Variants in PARG observed in about 807,000 individuals in gnomAD.
PARG encodes the protein mitochondrial poly(ADP-ribose) glycohydrolase.
In PARG, 35 loss-of-function variants were observed where a neutral mutation model predicts 113.0. The observed-to-expected ratio is 0.31, with a 90% CI of 0.24 to 0.41. The LOEUF (loss-of-function observed/expected upper bound fraction) is 0.41, where lower values mean the gene tolerates loss of function less well. PARG is among the 10% of genes least tolerant of loss of function. The pLI is 1.00. For missense variants in PARG, 797 were observed against 1,169.4 expected, an observed-to-expected ratio of 0.68 and a Z score of 4.64; for synonymous variants, 330 against 409.9, an observed-to-expected ratio of 0.81 and a Z score of 2.36.
At chr10:49,861,158 A>C (rs1278841730) in intron 12 of PARG, among the ~76,000 whole-genome samples, 1 of 152,184 alleles carries the variant, frequency 6.6e-6, no homozygotes, top group Non-Finnish European at 1.5e-5. Context: ...AACCTAAACA[A>C]AGCTGTTGGT....
chr10:49,836,573 G>A (rs782682094), intron 15 of PARG, among the ~76,000 whole-genome samples: 5 of 151,942 alleles, frequency 3.3e-5, no homozygotes, highest in Non-Finnish European at 5.9e-5. Flanking sequence ...GTATTTAATT[G>A]TTATTCTGAT....
At chr10:49,874,725 G>A (rs1293511920) in intron 9 of PARG, among the ~76,000 whole-genome samples, 2 of 150,002 alleles carry the variant, frequency 1.3e-5, no homozygotes, top group Non-Finnish European at 3.0e-5. Context: ...GTGGTGGTGG[G>A]TGCCTGTAGT....
At chr10:49,829,922 T>C (rs1554830030) in intron 16 of PARG, among the ~76,000 whole-genome samples, 1 of 149,594 alleles carries the variant, frequency 6.7e-6, no homozygotes, top group African/African-American at 2.5e-5. Context: ...CATAATTTCT[T>C]TTTTTTTTAG....
In PARG at chr10:49,864,333, C is replaced by T. The variant is rs1374607031; in HGVS notation, c.2129+988G>A. ...CCTCTATTAATAATCATCTAAACCACGCACTCAGTCTTCTGAAGTAAATTT... is the reference window on the plus strand; with the variant it reads ...CCTCTATTAATAATCATCTAAACCATGCACTCAGTCTTCTGAAGTAAATTT... On this transcript the variant is annotated intron_variant, in intron 11 of 17. Transcript: ENST00000616448. Among the ~76,000 whole-genome samples, 861 of 151,780 alleles carry T rather than the reference C, an allele frequency of 5.7e-3. 8 individuals carry two copies. The highest frequency in any genetic ancestry group is 0.019 in the African/African-American group (799 of 41,428).
chr10:49,890,026 C>G (rs1372096112), intron 7 of PARG, among the ~76,000 whole-genome samples: 1 of 152,132 alleles, frequency 6.6e-6, no homozygotes, highest in Non-Finnish European at 1.5e-5. Flanking sequence ...TTAAGATGTA[C>G]GTCATTTCTT....
At chr10:49,925,533 A>C (rs1838108350) in intron 4 of PARG, among the ~76,000 whole-genome samples, 1 of 152,068 alleles carries the variant, frequency 6.6e-6, no homozygotes, top group African/African-American at 2.4e-5. Context: ...CTATAGCCTG[A>C]CCACCTTGGG....
chr10:49,829,484 GA>G (rs1239853692), intron 16 of PARG, among the ~76,000 whole-genome samples: 2 of 151,952 alleles, frequency 1.3e-5, no homozygotes, highest in Admixed American at 1.3e-4. Context: ...TTTTTTATAA[GA>G]TTTTTTTGTT....
intron 7 of PARG, among the ~76,000 whole-genome samples, chr10:49,886,933 T>A (rs1847521056): frequency 6.6e-6 from 1 of 152,196 alleles, no homozygotes; most frequent in Non-Finnish European, 1.5e-5. Context: ...ATTCTACTAT[T>A]TTACAGGTAT....
At chr10:49,898,469 CT>C (rs1848201469) in intron 7 of PARG, among the ~76,000 whole-genome samples, 4 of 150,700 alleles carry the variant, frequency 2.7e-5, no homozygotes, top group Non-Finnish European at 5.9e-5. Flanking sequence ...AATAATCTAA[CT>C]GCTGCCCTGC....
chr10:49,912,041 T>C (rs1231969129), intron 7 of PARG, among the ~76,000 whole-genome samples: 70 of 152,206 alleles, frequency 4.6e-4, no homozygotes, highest in African/African-American at 1.7e-3. Flanking sequence ...CGCTCACACC[T>C]GTAATCCCAA....
rs58141680 is a variant in PARG, at chr10:49,894,204, A to ATT, written c.1738-8911_1738-8910dup. ...ATGTGCCACCATGCCCAGCTAATTA[A>ATT]TTTTTTTTTTTTTTTTTTGTAGAGA... On this transcript the variant is annotated intron_variant, in intron 7 of 17. Coordinates refer to ENST00000616448, the MANE Select transcript of PARG (RefSeq NM_003631.5). Among the ~76,000 whole-genome samples, 63 of 133,604 alleles carry ATT rather than the reference A, an allele frequency of 4.7e-4. 1 individual carries two copies. Among genetic ancestry groups the ATT allele is most frequent in the East Asian group, 8.7e-4 (4 of 4,596 alleles). 87.6% of individuals were successfully genotyped at this position (133,604 alleles called of 152,430 possible). A position where few individuals can be genotyped will look rare whatever the true frequency, so the allele number is the denominator to read the frequency against.
chr10:49,920,560 ACGTATATATACG>A (rs1554849011), intron 6 of PARG, among the ~76,000 whole-genome samples: 3 of 143,382 alleles, frequency 2.1e-5, no homozygotes, highest in Admixed American at 1.4e-4. Flanking sequence ...ATACATATAT[ACGTATATATACG>A]TGTATATATA....
At chr10:49,920,463 A>AAAT (rs1431747248) in intron 6 of PARG, among the ~76,000 whole-genome samples, 25 of 47,984 alleles carry the variant, frequency 5.2e-4, no homozygotes, top group Non-Finnish European at 1.1e-3. Context: ...AAAAAAAAAA[A>AAAT]ATATATATAT....
intron 6 of PARG, among the ~76,000 whole-genome samples, chr10:49,916,569 A>C (rs535188195): frequency 1.3e-5 from 2 of 152,204 alleles, no homozygotes; most frequent in South Asian, 4.1e-4. Context: ...AGCAGTTCAC[A>C]TAAATTACAC....
chr10:49,892,512 G>C (rs183989592), intron 7 of PARG, among the ~76,000 whole-genome samples: 677 of 152,138 alleles, frequency 4.4e-3, no homozygotes, highest in East Asian at 0.018. Context: ...ATGCTACACA[G>C]TATTCCAAAG....
chr10:49,869,658 C>A, intron 9 of PARG, 103 bp from the exon 10 acceptor site: 2 of 621,110 alleles, frequency 3.2e-6, no homozygotes, highest in East Asian at 2.9e-5. Context: ...AGAAATAATT[C>A]TTCCAGAAGA....
intron 16 of PARG, among the ~76,000 whole-genome samples, chr10:49,824,373 C>T (rs534489229): frequency 2.6e-5 from 4 of 152,196 alleles, no homozygotes; most frequent in South Asian, 4.1e-4. Context: ...GAGAATAAAT[C>T]ACAAGTCTAT....
chr10:49,865,611 A>G (rs1846469625), intron 10 of PARG, among the ~76,000 whole-genome samples: 1 of 146,666 alleles, frequency 6.8e-6, no homozygotes, highest in African/African-American at 2.5e-5. Flanking sequence ...CTATAAAATA[A>G]TAAGACTTCA....
chr10:49,933,425 A>G lies in PARG; in HGVS notation c.1023T>C (p.Pro341=). The part of the protein sequence containing the change: ...DGSSSQTANK[P]SRFQARDADI... ...CAGCGTCTCTTGCTTGGAACCTTGAAGGTTTATTTGCTGTTTGGGAGGAAC... is the reference window on the plus strand; with the variant it reads ...CAGCGTCTCTTGCTTGGAACCTTGAGGGTTTATTTGCTGTTTGGGAGGAAC... Residue 341 remains proline, a synonymous_variant, in exon 3 of 18, where the codon CCT becomes CCC. Coordinates refer to ENST00000616448, the MANE Select transcript of PARG (RefSeq NM_003631.5). 1 of 1,613,536 alleles carries G rather than the reference A, an allele frequency of 6.2e-7. No individual in the cohort carries two copies. The highest frequency in any genetic ancestry group is 1.3e-5 in the African/African-American group (1 of 75,038).
Sources: gnomAD v4.1 joint callset for allele counts (sites outside exome capture counted in the v4.1 genomes callset) on GRCh38, gnomAD v4.1.1 for gene constraint, MANE v1.5 for transcripts, NCBI Gene and HGNC (gene_info 2026-07-23, HGNC 2026-07-21) for gene names.